FHIT: variants seen among roughly 807,000 people sequenced by gnomAD.
FHIT encodes the protein bis(5'-adenosyl)-triphosphatase.
Under a neutral mutation model 17.9 loss-of-function variants are expected in FHIT, and 19 were observed. The observed-to-expected ratio is 1.06, with a 90% CI of 0.74 to 1.56. The LOEUF (loss-of-function observed/expected upper bound fraction) is 1.56, where lower values mean the gene tolerates loss of function less well. FHIT is among the 40% of genes most tolerant of loss of function. The pLI is 0.00. For missense variants in FHIT, 248 were observed against 189.2 expected (o/e 1.31, Z -1.82); for synonymous variants, 81 against 69.7 (o/e 1.16, Z -0.81).
At chr3:60,476,240 A>G (rs2033338315) in intron 5 of FHIT, among the ~76,000 whole-genome samples, 1 of 152,156 alleles carries the variant, frequency 6.6e-6, no homozygotes, top group Admixed American at 6.5e-5. Flanking sequence ...TATGAGACAG[A>G]AAAATAGAGC....
chr3:60,562,125 G>T (rs1049177385), intron 4 of FHIT, among the ~76,000 whole-genome samples: 8 of 152,154 alleles, frequency 5.3e-5, no homozygotes, highest in African/African-American at 1.9e-4. Flanking sequence ...GGATACAACG[G>T]TTAATGAGAA....
intron 4 of FHIT, among the ~76,000 whole-genome samples, chr3:60,545,547 G>A (rs1056049689): frequency 6.6e-6 from 1 of 151,990 alleles, no homozygotes; most frequent in African/African-American, 2.4e-5. Flanking sequence ...CACCTACTGT[G>A]CTTTTATTAT....
Position 60,728,668 on chromosome 3 carries a change from C to A in FHIT, c.-18+93251G>T, listed in dbSNP as rs141656983. Among the ~76,000 whole-genome samples, 263 of 148,630 alleles carry A rather than the reference C, an allele frequency of 1.8e-3. 1 individual carries two copies. Among genetic ancestry groups the A allele is most frequent in the Middle Eastern group, 3.4e-3 (1 of 294 alleles). On this transcript the variant is annotated intron_variant, in intron 4 of 9. Coordinates refer to ENST00000492590, the MANE Select transcript of FHIT (RefSeq NM_002012.4). ...TACTTGACCAATTTAAAATTTACAT[C>A]TTTTAAATCAATTTTGAAGTGTTTT...
intron 7 of FHIT, among the ~76,000 whole-genome samples, chr3:60,004,046 T>C (rs963803357): frequency 6.6e-6 from 1 of 152,098 alleles, no homozygotes; most frequent in African/African-American, 2.4e-5. Context: ...TGATTAGTTA[T>C]TGAGCACTAG....
intron 5 of FHIT, among the ~76,000 whole-genome samples, chr3:60,133,725 G>C (rs1699693897): frequency 1.3e-5 from 2 of 151,550 alleles, no homozygotes; most frequent in African/African-American, 4.8e-5. Flanking sequence ...ACCTCTGCCA[G>C]AGCTCCTCCT....
chr3:60,654,168 C>G (rs1176357767), intron 4 of FHIT, among the ~76,000 whole-genome samples: 2 of 152,150 alleles, frequency 1.3e-5, no homozygotes, highest in East Asian at 3.9e-4. Flanking sequence ...AGAAGCCGAG[C>G]CAGCACCGTG....
chr3:60,233,618 T>A (rs1422101971), intron 5 of FHIT, among the ~76,000 whole-genome samples: 1 of 152,212 alleles, frequency 6.6e-6, no homozygotes, highest in Non-Finnish European at 1.5e-5. Flanking sequence ...AAATCATCTT[T>A]TCTCTTAAGT....
At chr3:59,962,110 A>T (rs1234619677) in intron 7 of FHIT, among the ~76,000 whole-genome samples, 1 of 152,202 alleles carries the variant, frequency 6.6e-6, no homozygotes, top group Non-Finnish European at 1.5e-5. Context: ...AGACTTTTGA[A>T]CCAAAACATT....
intron 9 of FHIT, chr3:59,750,009 C>T (rs1196185950): frequency 4.5e-6 from 1 of 222,870 alleles, no homozygotes; most frequent in African/African-American, 2.3e-5. Flanking sequence ...AAGAGAAATA[C>T]ACATGTTAGT....
chr3:60,028,276 A>G (rs1700839806), intron 5 of FHIT, among the ~76,000 whole-genome samples: 1 of 152,316 alleles, frequency 6.6e-6, no homozygotes, highest in Non-Finnish European at 1.5e-5. Flanking sequence ...TATTTCAGTT[A>G]CTCCAGTTTA....
At chr3:60,044,791 T>C (rs1701582585) in intron 5 of FHIT, among the ~76,000 whole-genome samples, 1 of 152,138 alleles carries the variant, frequency 6.6e-6, no homozygotes, top group Non-Finnish European at 1.5e-5. Flanking sequence ...TTAGGTCACC[T>C]TACCCTCTTT....
At chr3:60,594,444 T>C (rs1269706989) in intron 4 of FHIT, among the ~76,000 whole-genome samples, 5 of 152,124 alleles carry the variant, frequency 3.3e-5, no homozygotes, top group Admixed American at 3.3e-4. Context: ...TGGTTGGTAC[T>C]TAATCAACAA....
chr3:60,317,904 C>T (rs1709237554), intron 5 of FHIT, among the ~76,000 whole-genome samples: 1 of 151,830 alleles, frequency 6.6e-6, no homozygotes, highest in Non-Finnish European at 1.5e-5. Flanking sequence ...AATTCTCCTG[C>T]CTTAGCCTCC....
intron 4 of FHIT, among the ~76,000 whole-genome samples, chr3:60,698,962 G>A (rs370360701): frequency 2.0e-5 from 3 of 152,004 alleles, no homozygotes; most frequent in Admixed American, 6.6e-5. Flanking sequence ...ATACATAAGC[G>A]TATCACAAAA....
At chr3:60,234,005 A>T (rs139002355) in intron 5 of FHIT, among the ~76,000 whole-genome samples, 25 of 152,326 alleles carry the variant, frequency 1.6e-4, no homozygotes, top group Middle Eastern at 3.4e-3. Flanking sequence ...GCATGAGAAC[A>T]GATTAACAGA....
chr3:60,175,866 G>T (rs958322757), intron 5 of FHIT, among the ~76,000 whole-genome samples: 1 of 152,038 alleles, frequency 6.6e-6, no homozygotes, highest in African/African-American at 2.4e-5. Context: ...ACAACCCATA[G>T]AAACCATGAC....
chr3:60,858,059 T>C (rs1229035927), intron 3 of FHIT, among the ~76,000 whole-genome samples: 1 of 152,200 alleles, frequency 6.6e-6, no homozygotes, highest in Non-Finnish European at 1.5e-5. Context: ...CATGACTTCC[T>C]TATGATCAGG....
At chr3:59,915,211 G>A (rs1438034153) in intron 8 of FHIT, among the ~76,000 whole-genome samples, 1 of 152,248 alleles carries the variant, frequency 6.6e-6, no homozygotes, top group Admixed American at 6.5e-5. Context: ...TGGTTGGAGC[G>A]AGAATTCACT....
intron 8 of FHIT, among the ~76,000 whole-genome samples, chr3:59,772,470 T>A (rs1474604646): frequency 1.3e-5 from 2 of 152,236 alleles, no homozygotes; most frequent in African/African-American, 4.8e-5. Context: ...TTAATCTTCA[T>A]GACCATCTTA....
Sources: allele counts gnomAD v4.1 joint callset (sites outside exome capture counted in the v4.1 genomes callset), GRCh38; gene constraint gnomAD v4.1.1; transcripts MANE v1.5; gene names NCBI Gene and HGNC (gene_info 2026-07-23, HGNC 2026-07-21).